The following TMEM74 variants were observed in gnomAD, a reference collection of about 807,000 sequenced individuals.
TMEM74 encodes transmembrane protein 74.
A neutral mutation model predicts 18.1 loss-of-function variants in TMEM74; 13 were observed. The ratio of observed to expected loss-of-function variants is 0.72; its 90% confidence interval spans 0.47 to 1.14. TMEM74 has a LOEUF of 1.14. Among genes scored for constraint, TMEM74 ranks in the 50% most tolerant of loss-of-function variants. The pLI is 0.00. For missense variants in TMEM74, 372 were observed against 375.9 expected (o/e 0.99, Z 0.09); for synonymous variants, 159 against 146.6 (o/e 1.08, Z -0.61).
chr8:108,683,682 A>C (rs1197776736), intron 1 of TMEM74, among the ~76,000 whole-genome samples: 2 of 152,042 alleles, frequency 1.3e-5, no homozygotes, highest in Admixed American at 6.6e-5. Flanking sequence ...AGGATAAATT[A>C]GTCTATCCAT....
intron 2 of TMEM74, among the ~76,000 whole-genome samples, chr8:108,634,874 C>G (rs769202325): frequency 1.3e-5 from 2 of 152,020 alleles, no homozygotes; most frequent in African/African-American, 2.4e-5. Context: ...GCATCACAGT[C>G]TGAGCAGTAG....
At chr8:108,758,162 A>G (rs1813999856) in intron 1 of TMEM74, among the ~76,000 whole-genome samples, 1 of 152,026 alleles carries the variant, frequency 6.6e-6, no homozygotes, top group South Asian at 2.1e-4. Flanking sequence ...TGATCCTAAA[A>G]ATCCCTTTAC....
At chr8:108,749,166 T>C (rs996675770) in intron 1 of TMEM74, among the ~76,000 whole-genome samples, 63 of 57,260 alleles carry the variant, frequency 1.1e-3, no homozygotes, top group Middle Eastern at 8.6e-3. Context: ...ATAGTTGTTG[T>C]TTTTTTTTCT....
chr8:108,740,601 C>G (rs6985940), intron 1 of TMEM74, among the ~76,000 whole-genome samples: 58,437 of 151,994 alleles, frequency 0.38, 12,787 homozygotes, highest in African/African-American at 0.59. Flanking sequence ...TTTTCCACCA[C>G]CGTGTGCTCA....
intron 1 of TMEM74, among the ~76,000 whole-genome samples, chr8:108,707,156 C>T (rs914224352): frequency 2.5e-5 from 2 of 80,990 alleles, no homozygotes; most frequent in East Asian, 4.3e-4. Context: ...GGACACAGGG[C>T]GGGGAACATC....
At chr8:108,761,561 C>A (rs1044566828) in intron 1 of TMEM74, among the ~76,000 whole-genome samples, 2 of 152,082 alleles carry the variant, frequency 1.3e-5, no homozygotes, top group African/African-American at 4.8e-5. Context: ...GCCTCTTATT[C>A]GTGTTCAGGA....
intron 1 of TMEM74, among the ~76,000 whole-genome samples, chr8:108,665,214 T>C (rs2130584734): frequency 6.6e-6 from 1 of 152,228 alleles, no homozygotes; most frequent in African/African-American, 2.4e-5. Context: ...ACAGACTCAT[T>C]TACAGGAGAG....
intron 1 of TMEM74, among the ~76,000 whole-genome samples, chr8:108,702,226 C>T (rs1333258996): frequency 2.0e-5 from 3 of 151,642 alleles, no homozygotes; most frequent in African/African-American, 7.3e-5. Flanking sequence ...CACCTGTAAT[C>T]CCAGCTGCTT....
intron 2 of TMEM74, among the ~76,000 whole-genome samples, chr8:108,614,995 A>G (rs1812369323): frequency 6.6e-6 from 1 of 152,194 alleles, no homozygotes; most frequent in South Asian, 2.1e-4. Flanking sequence ...TTAAAATAAT[A>G]TGAGACCAAA....
At chr8:108,646,081 GTTTT>G (rs765519153) in intron 2 of TMEM74, among the ~76,000 whole-genome samples, 2 of 138,824 alleles carry the variant, frequency 1.4e-5, no homozygotes, top group Admixed American at 7.3e-5. Context: ...TGTTCACGAA[GTTTT>G]TTTTTTTTTT....
intron 1 of TMEM74, among the ~76,000 whole-genome samples, chr8:108,740,106 T>C (rs1385735157): frequency 6.6e-6 from 1 of 152,120 alleles, no homozygotes; most frequent in East Asian, 1.9e-4. Flanking sequence ...CTACAATCCA[T>C]CTAGGAGCCT....
chr8:108,773,810 C>G (rs12114711), intron 1 of TMEM74, among the ~76,000 whole-genome samples: 7,807 of 152,186 alleles, frequency 0.051, 264 homozygotes, highest in East Asian at 0.13. Context: ...AATCCTCAGT[C>G]GCAGGCAAGC....
chr8:108,613,945 T>G (rs900394767), intron 2 of TMEM74, among the ~76,000 whole-genome samples: 3 of 152,174 alleles, frequency 2.0e-5, no homozygotes, highest in African/African-American at 7.2e-5. Flanking sequence ...GAGTAAAAAT[T>G]TCCTTGTATT....
At chr8:108,626,314 C>T (rs913159857) in intron 2 of TMEM74, among the ~76,000 whole-genome samples, 2 of 151,988 alleles carry the variant, frequency 1.3e-5, no homozygotes, top group Non-Finnish European at 2.9e-5. Flanking sequence ...GAATGTCCCT[C>T]TTACAATTCA....
intron 1 of TMEM74, among the ~76,000 whole-genome samples, chr8:108,759,339 T>G (rs1796586907): frequency 6.6e-6 from 1 of 152,154 alleles, no homozygotes; most frequent in African/African-American, 2.4e-5. Context: ...AATTTGACAG[T>G]ATCTATCAAA....
At position 108,779,936 on chromosome 8, in the gene TMEM74, T is replaced by C. The variant is rs879122689; in HGVS notation, c.*4245A>G. ...AAGACTTATAAAATTTGTGAGATGA[T>C]AATATAGAATATTATGAACCAAAAA... is the stretch of plus-strand genomic sequence containing the variant. On this transcript the variant is annotated 3_prime_UTR_variant, in exon 2 of 2. Transcript: ENST00000297459. 6.6e-6 allele frequency among the ~76,000 whole-genome samples: 1 copy of C among 152,194 alleles called. No homozygotes were observed. Among genetic ancestry groups the C allele is most frequent in the Non-Finnish European group, 1.5e-5 (1 of 68,012 alleles).
At position 108,779,898 on chromosome 8, in the gene TMEM74, C is replaced by A. The variant is rs1210135195; in HGVS notation, c.*4283G>T. On this transcript the variant is annotated 3_prime_UTR_variant, in exon 2 of 2. Coordinates refer to ENST00000297459, the MANE Select transcript of TMEM74 (RefSeq NM_153015.3). The stretch of plus-strand genomic sequence containing the variant: ...TTACAGTGTCAATTCACTAGGCAGG[C>A]AAATTATTTCCCAAGACTTATAAAA... Among the ~76,000 whole-genome samples, 1 of 151,954 alleles carries A rather than the reference C, an allele frequency of 6.6e-6. No homozygotes were observed. The highest frequency in any genetic ancestry group is 1.5e-5 in the Non-Finnish European group (1 of 67,978).
At chr8:108,774,649 T>C (rs1434621026), downstream of TMEM74, among the ~76,000 whole-genome samples, 4 of 152,148 alleles carry the variant, frequency 2.6e-5, no homozygotes, top group Non-Finnish European at 4.4e-5. Flanking sequence ...GAAAGAGAAC[T>C]GGGAAATGCA....
intron 2 of TMEM74, among the ~76,000 whole-genome samples, chr8:108,643,916 C>A (rs375121948): frequency 6.6e-6 from 1 of 152,140 alleles, no homozygotes; most frequent in Non-Finnish European, 1.5e-5. Flanking sequence ...GTTAAAATGG[C>A]CATATTGCCC....
Sources: gnomAD v4.1 joint callset for allele counts (sites outside exome capture counted in the v4.1 genomes callset) on GRCh38, gnomAD v4.1.1 for gene constraint, MANE v1.5 for transcripts, NCBI Gene and HGNC (gene_info 2026-07-23, HGNC 2026-07-21) for gene names.